Variants in PCDH15 observed in about 807,000 individuals in gnomAD.
The protein encoded by PCDH15 is protocadherin related 15.
In PCDH15, 129 loss-of-function variants were observed where a neutral mutation model predicts 178.5. The ratio of observed to expected loss-of-function variants is 0.72; its 90% CI spans 0.63 to 0.84. The LOEUF (loss-of-function observed/expected upper bound fraction) is 0.84. PCDH15 is among the 40% of genes least tolerant of loss of function. The pLI is 0.00. For missense variants in PCDH15, 2,230 were observed against 2,099.9 expected (o/e 1.06, Z -1.21); for synonymous variants, 800 against 732.0 (o/e 1.09, Z -1.50).
intron 1 of PCDH15, among the ~76,000 whole-genome samples, chr10:55,212,024 C>T (rs1840584326): frequency 6.6e-6 from 1 of 151,998 alleles, no homozygotes; most frequent in South Asian, 2.1e-4. Context: ...GGTGGAATGC[C>T]GGCAGCTGTG....
intron 2 of PCDH15, among the ~76,000 whole-genome samples, chr10:54,556,354 A>G (rs1288036308): frequency 6.6e-6 from 1 of 150,436 alleles, no homozygotes; most frequent in Non-Finnish European, 1.5e-5. Context: ...CTTCTGCTAG[A>G]CACTGAAGGA....
chr10:55,091,024 C>T (rs532573740), intron 2 of PCDH15, among the ~76,000 whole-genome samples: 5 of 151,832 alleles, frequency 3.3e-5, no homozygotes, highest in Non-Finnish European at 4.4e-5. Context: ...TACTTTATGA[C>T]GTTATTTATT....
At chr10:55,123,521 A>C (rs1288791167) in intron 2 of PCDH15, among the ~76,000 whole-genome samples, 1 of 152,172 alleles carries the variant, frequency 6.6e-6, no homozygotes, top group East Asian at 1.9e-4. Context: ...AAGAAGGGAC[A>C]CTACTCATGG....
intron 2 of PCDH15, among the ~76,000 whole-genome samples, chr10:55,525,477 T>A (rs1841283858): frequency 6.6e-6 from 1 of 151,856 alleles, no homozygotes; most frequent in South Asian, 2.1e-4. Context: ...TATTAAACAC[T>A]TTAAATTGTT....
At chr10:54,957,137 G>T (rs1399119820) in intron 2 of PCDH15, among the ~76,000 whole-genome samples, 1 of 151,530 alleles carries the variant, frequency 6.6e-6, no homozygotes, top group Non-Finnish European at 1.5e-5. Flanking sequence ...TATCATGTGG[G>T]GATAATTACA....
intron 2 of PCDH15, among the ~76,000 whole-genome samples, chr10:54,995,391 C>CA (rs10631856): frequency 7.2e-4 from 91 of 125,744 alleles, no homozygotes; most frequent in Non-Finnish European, 1.3e-3. Context: ...GACTCCGTCT[C>CA]AAAAAAAAAA....
chr10:54,221,334 T>G (rs560701962), intron 9 of PCDH15, among the ~76,000 whole-genome samples: 47 of 152,270 alleles, frequency 3.1e-4, no homozygotes, highest in African/African-American at 1.1e-3. Flanking sequence ...AAGTTTACAA[T>G]TTTGAAGATT....
At chr10:55,238,235 T>C (rs12354919) in intron 1 of PCDH15, among the ~76,000 whole-genome samples, 22,993 of 149,908 alleles carry the variant, frequency 0.15, 1,990 homozygotes, top group Middle Eastern at 0.27. Context: ...CTGCAAGCTC[T>C]GCCTCCCAGG....
At chr10:54,443,408 C>T (rs2075958587) in intron 3 of PCDH15, among the ~76,000 whole-genome samples, 1 of 151,116 alleles carries the variant, frequency 6.6e-6, no homozygotes, top group African/African-American at 2.4e-5. Flanking sequence ...AGAGGCCCAT[C>T]CTTTAATAAA....
chr10:55,613,017 ATTTTTT>A (rs34403286), intron 2 of PCDH15, among the ~76,000 whole-genome samples: 2 of 82,408 alleles, frequency 2.4e-5, no homozygotes, highest in Admixed American at 1.5e-4. Flanking sequence ...TACTAGCCAG[ATTTTTT>A]TTTTTTTTTT....
At chr10:55,157,636 T>C (rs1442946883) in intron 2 of PCDH15, among the ~76,000 whole-genome samples, 4 of 151,912 alleles carry the variant, frequency 2.6e-5, no homozygotes, top group African/African-American at 9.7e-5. Flanking sequence ...TAAAAAATGA[T>C]GAGTTCATGT....
At chr10:55,205,589 A>G (rs1004380930) in intron 1 of PCDH15, among the ~76,000 whole-genome samples, 2 of 152,176 alleles carry the variant, frequency 1.3e-5, no homozygotes, top group East Asian at 1.9e-4. Flanking sequence ...AATTTTAAAC[A>G]TATTTTTGAG....
intron 2 of PCDH15, among the ~76,000 whole-genome samples, chr10:55,598,552 ATATATAT>A (rs1157385228): frequency 4.0e-5 from 3 of 75,172 alleles, no homozygotes; most frequent in African/African-American, 1.8e-4. Context: ...ATATATATAT[ATATATAT>A]ATATATATAG....
intron 1 of PCDH15, among the ~76,000 whole-genome samples, chr10:54,667,180 A>T (rs1289376768): frequency 1.3e-5 from 2 of 152,012 alleles, no homozygotes; most frequent in African/African-American, 4.8e-5. Flanking sequence ...CAATTTCTAT[A>T]GTTTTTTTAC....
At chr10:53,847,727 ATATGGAC>A (rs1403396584) in intron 28 of PCDH15, among the ~76,000 whole-genome samples, 1 of 152,078 alleles carries the variant, frequency 6.6e-6, no homozygotes, top group African/African-American at 2.4e-5. Flanking sequence ...TGACTACTCT[ATATGGAC>A]TATACAGGCC....
chr10:54,732,385 C>CA (rs1325356369), intron 1 of PCDH15, among the ~76,000 whole-genome samples: 1 of 151,254 alleles, frequency 6.6e-6, no homozygotes, highest in Non-Finnish European at 1.5e-5. Flanking sequence ...TTAAAAATAA[C>CA]AAAAATATAA....
intron 25 of PCDH15, among the ~76,000 whole-genome samples, chr10:53,914,327 T>C (rs1023985487): frequency 2.0e-5 from 3 of 152,150 alleles, no homozygotes; most frequent in Non-Finnish European, 4.4e-5. Context: ...ATGTTTATTG[T>C]GGCACTATTC....
chr10:54,822,342 G>A (rs1036640041), intron 3 of PCDH15, among the ~76,000 whole-genome samples: 1 of 152,024 alleles, frequency 6.6e-6, no homozygotes, highest in Admixed American at 6.6e-5. Context: ...CTGCCTCCAT[G>A]AGGTCAATTT....
intron 2 of PCDH15, among the ~76,000 whole-genome samples, chr10:55,577,215 C>G (rs1271390142): frequency 6.6e-6 from 1 of 152,110 alleles, no homozygotes; most frequent in Non-Finnish European, 1.5e-5. Flanking sequence ...TGCACTCTAG[C>G]CTGGGTGACA....
Sources: allele counts gnomAD v4.1 joint callset (sites outside exome capture counted in the v4.1 genomes callset), GRCh38; gene constraint gnomAD v4.1.1; transcripts MANE v1.5; gene names NCBI Gene and HGNC (gene_info 2026-07-23, HGNC 2026-07-21).